ATP6V1D: variants seen among roughly 807,000 people sequenced by gnomAD.
ATP6V1D encodes the protein ATPase H+ transporting V1 subunit D.
Under a neutral mutation model 39.4 loss-of-function variants are expected in ATP6V1D, and 20 were observed. That is an observed-to-expected ratio of 0.51 (90% CI 0.36 to 0.74). The LOEUF (loss-of-function observed/expected upper bound fraction) is 0.74. Among genes scored for constraint, ATP6V1D ranks in the 30% least tolerant of loss-of-function variants. The pLI, the probability that ATP6V1D is intolerant of heterozygous loss-of-function variation, is 0.00. For missense variants in ATP6V1D, 228 were observed against 291.6 expected (o/e 0.78, Z 1.59); for synonymous variants, 100 against 100.5 (o/e 0.99, Z 0.03).
intron 1 of ATP6V1D, among the ~76,000 whole-genome samples, chr14:67,357,585 CAA>C (rs1277758011): frequency 6.6e-6 from 1 of 152,052 alleles, no homozygotes; most frequent in Non-Finnish European, 1.5e-5. Context: ...AAAGTAAAAA[CAA>C]AAAAGTTATT....
chr14:67,354,530 T>C (rs1030507411), intron 1 of ATP6V1D, among the ~76,000 whole-genome samples: 1 of 152,184 alleles, frequency 6.6e-6, no homozygotes, highest in Non-Finnish European at 1.5e-5. Context: ...TACTCCAGCC[T>C]TATGGTAATA....
chr14:67,344,842 C>A (rs113672997), intron 6 of ATP6V1D, among the ~76,000 whole-genome samples: 1,966 of 151,752 alleles, frequency 0.013, 46 homozygotes, highest in African/African-American at 0.045. Context: ...GATCGCAACA[C>A]TGCACTCCAG....
chr14:67,342,152 T>C (rs1245907135), intron 7 of ATP6V1D, among the ~76,000 whole-genome samples: 1 of 148,296 alleles, frequency 6.7e-6, no homozygotes, highest in African/African-American at 2.5e-5. Flanking sequence ...CAAATCCCCC[T>C]CTGTGAGAAA....
Position 67,340,434 on chromosome 14 carries a change from A to G in ATP6V1D, c.602+6T>C. ...AGATGATCAATAACTGCCAATTTCA[A>G]CAAACCTATAGAACTCTTCTCGCTC... is the stretch of plus-strand genomic sequence containing the variant. On this transcript the variant is annotated splice_donor_region_variant and intron_variant, in intron 8 of 8. Coordinates refer to ENST00000216442, the MANE Select transcript of ATP6V1D (RefSeq NM_015994.4). The G allele has an allele frequency of 1.2e-6, 2 of 1,612,552 alleles. No individual in the cohort carries two copies. Among genetic ancestry groups the G allele is most frequent in the Non-Finnish European group, 8.5e-7 (1 of 1,178,856 alleles).
In ATP6V1D at chr14:67,338,714, C is replaced by T. The variant is rs1436904487; in HGVS notation, c.651G>A (p.Glu217=). The T allele has an allele frequency of 1.9e-6, 3 of 1,613,754 alleles. No individual in the cohort carries two copies. In the East Asian group the frequency reaches 6.7e-5, roughly 36 times the overall value. ...EKKKILKEKS[E]KDLEQRRAAG... ...CTGCTCTCCTTTGCTCCAAGTCCTTCTCAGATTTTTCCTTTAGAATCTTTT... is the reference window on the plus strand; with the variant it reads ...CTGCTCTCCTTTGCTCCAAGTCCTTTTCAGATTTTTCCTTTAGAATCTTTT... Residue 217 remains glutamate, a synonymous_variant, in exon 9 of 9, where the codon GAG becomes GAA. Coordinates refer to ENST00000216442, the MANE Select transcript of ATP6V1D (RefSeq NM_015994.4).
intron 7 of ATP6V1D, among the ~76,000 whole-genome samples, chr14:67,341,613 G>A (rs1448640422): frequency 2.0e-5 from 3 of 151,348 alleles, no homozygotes; most frequent in East Asian, 2.0e-4. Flanking sequence ...GGTGAGGGGC[G>A]CCTCTGCCCG....
Position 67,359,746 on chromosome 14 carries a change from T to C in ATP6V1D, c.-48A>G. On this transcript the variant is annotated 5_prime_UTR_variant, in exon 1 of 9. Transcript: ENST00000216442. ...GGGTCCCCGGCCGGGCAACCGAGGC[T>C]GCAATAGCTCCAGAACTGGCCTCCA... is the stretch of plus-strand genomic sequence containing the variant. The C allele has an allele frequency of 1.2e-6, 2 of 1,610,446 alleles. No individual in the cohort carries two copies. Among genetic ancestry groups the C allele is most frequent in the African/African-American group, 2.7e-5 (2 of 75,018 alleles).
chr14:67,348,053 C>T (rs909436090), intron 4 of ATP6V1D, among the ~76,000 whole-genome samples: 1 of 151,708 alleles, frequency 6.6e-6, no homozygotes, highest in African/African-American at 2.4e-5. Flanking sequence ...GCTGGGACAA[C>T]AGGCACATGC....
At chr14:67,347,312 T>A in intron 5 of ATP6V1D, 97 bp downstream of exon 5, 1 of 961,232 alleles carries the variant, frequency 1.0e-6, no homozygotes, top group Non-Finnish European at 1.6e-6. Flanking sequence ...CTCAGGAACC[T>A]CTCAACATCT....
rs2085599991 is a variant in ATP6V1D at position 67,343,418 on chromosome 14, A to T, written c.477T>A (p.Asp159Glu). 1.2e-6 allele frequency: 2 copies of T among 1,609,646 alleles called. No individual in the cohort carries two copies. The highest frequency in any genetic ancestry group is 1.7e-6 in the Non-Finnish European group (2 of 1,176,258). The change falls in exon 7 of 9, where the codon GAT (aspartate) becomes GAA (glutamate). Residue 159 changes from aspartate (D) to glutamate (E), a missense_variant. Asp to Glu is a conservative substitution (Grantham distance 45). Transcript: ENST00000216442. ...GCCTGTTGGTTATCTTAATAGCTTCATCCAAAGTAACAAAAGAAGTCTAAA... is the reference window on the plus strand; with the variant it reads ...GCCTGTTGGTTATCTTAATAGCTTCTTCCAAAGTAACAAAAGAAGTCTAAA... Reference protein sequence around the residue: ...ASLQTSFVTLDEAIKITNRRV... With the variant: ...ASLQTSFVTLEEAIKITNRRV...
chr14:67,350,028 T>C (rs1566601042), intron 3 of ATP6V1D, among the ~76,000 whole-genome samples: 1 of 152,254 alleles, frequency 6.6e-6, no homozygotes, highest in Non-Finnish European at 1.5e-5. Flanking sequence ...AGAATAACAA[T>C]GCTTGCCTTA....
At chr14:67,343,285 T>TCAGTA (rs2085598763) in intron 7 of ATP6V1D, 87 bp downstream of exon 7, 1 of 1,013,092 alleles carries the variant, frequency 9.9e-7, no homozygotes, top group African/African-American at 1.6e-5. Flanking sequence ...CTTTCAGTCT[T>TCAGTA]CAGTACAGTC....
intron 3 of ATP6V1D, 66 bp downstream of exon 3, chr14:67,350,545 T>C: frequency 7.1e-7 from 1 of 1,400,266 alleles, no homozygotes; most frequent in Non-Finnish European, 9.9e-7. Context: ...AAAATGCTTT[T>C]TAAATGAAAT....
intron 6 of ATP6V1D, among the ~76,000 whole-genome samples, 200 bp from the exon 7 acceptor site, chr14:67,343,638 G>A (rs1220387995): frequency 6.6e-6 from 1 of 152,220 alleles, no homozygotes; most frequent in East Asian, 1.9e-4. Context: ...GCTGAGGTGG[G>A]AGAATCACTT....
chr14:67,355,054 C>T (rs1278830375), intron 1 of ATP6V1D, among the ~76,000 whole-genome samples: 7 of 152,018 alleles, frequency 4.6e-5, no homozygotes, highest in African/African-American at 9.7e-5. Context: ...TCAGGTGATC[C>T]GCCCACCTCG....
In ATP6V1D at chr14:67,343,372, C is replaced by A. The variant is rs1383952735; in HGVS notation, c.523G>T (p.Val175Phe). The A allele has an allele frequency of 6.2e-7, 1 of 1,610,254 alleles. No individual in the cohort carries two copies. The highest frequency in any genetic ancestry group is 8.5e-7 in the Non-Finnish European group (1 of 1,176,784). The change falls in exon 7 of 9, where the codon GTC (valine) becomes TTC (phenylalanine). Residue 175 changes from valine (V) to phenylalanine (F), a missense_variant and splice_region_variant. Physicochemically the swap from Val to Phe is conservative, Grantham distance 50 (BLOSUM62 -1). Around this residue, in one of 3 missense-constraint regions of ATP6V1D, gnomAD observed 114 missense variants for 128.3 expected, o/e 0.89. Transcript: ENST00000216442. ...TNRRVNAIEH[V>F]IIPRIERTLA... ...GCACCTCACAGTACCTAATACTCAC[C>A]ATGTTCAATGGCATTTACACGCCTG...
intron 4 of ATP6V1D, among the ~76,000 whole-genome samples, chr14:67,348,455 T>G (rs1350075678): frequency 6.6e-6 from 1 of 151,656 alleles, no homozygotes. Context: ...TCCGCCCACC[T>G]CAGCCTCCCA....
At chr14:67,351,222 G>T (rs1733585524) in intron 2 of ATP6V1D, among the ~76,000 whole-genome samples, 1 of 152,060 alleles carries the variant, frequency 6.6e-6, no homozygotes. Flanking sequence ...TAGACTAGAG[G>T]ATTCAGAAAC....
Position 67,342,213 on chromosome 14 carries a change from TA to T in ATP6V1D, c.523+1158del, listed in dbSNP as rs144864069. Among the ~76,000 whole-genome samples the T allele has an allele frequency of 8.7e-3, 1,047 of 119,764 alleles. 10 individuals are homozygous for T. The highest frequency in any genetic ancestry group is 0.03 in the African/African-American group (934 of 30,644). The allele number at this position is 119,764 out of a possible 152,430, so 78.6% of individuals were successfully genotyped here. On this transcript the variant is annotated intron_variant, in intron 7 of 8. Transcript: ENST00000216442. ...ATAAATAAATAAATAAATAAATAAA[TA>T]AAATAAAATAAAAAAAAACACAAAG...
Sources: gnomAD v4.1 joint callset for allele counts (sites outside exome capture counted in the v4.1 genomes callset) on GRCh38, gnomAD v4.1.1 for gene constraint, gnomAD v4.1.1 regional missense constraint, MANE v1.5 for transcripts, NCBI Gene and HGNC (gene_info 2026-07-23, HGNC 2026-07-21) for gene names.